The following AGBL4 variants were observed in gnomAD, a reference collection of about 807,000 sequenced individuals.
The protein encoded by AGBL4 is AGBL carboxypeptidase 4.
AGBL4 carries 58 observed loss-of-function variants against 66.4 expected under a neutral mutation model. That is an observed-to-expected ratio of 0.87 (90% confidence interval 0.71 to 1.09). The LOEUF (loss-of-function observed/expected upper bound fraction) is 1.09, where lower values mean the gene tolerates loss of function less well. AGBL4 is among the 50% of genes least tolerant of loss of function. The pLI, the probability that AGBL4 is intolerant of heterozygous loss-of-function variation, is 0.00. For missense variants in AGBL4, 579 were observed against 631.0 expected (o/e 0.92, Z 0.88); for synonymous variants, 234 against 222.9 (o/e 1.05, Z -0.44).
chr1:49,235,453 G>C (rs1650651543), intron 4 of AGBL4, among the ~76,000 whole-genome samples: 1 of 152,268 alleles, frequency 6.6e-6, no homozygotes, highest in Admixed American at 6.5e-5. Context: ...TTTTCTTGGA[G>C]TAAAGGCAAA....
chr1:48,846,778 A>G (rs1174958081), intron 6 of AGBL4, among the ~76,000 whole-genome samples: 2 of 152,124 alleles, frequency 1.3e-5, no homozygotes, highest in Non-Finnish European at 2.9e-5. Context: ...TACTGATGTC[A>G]TGGGTATATG....
intron 2 of AGBL4, among the ~76,000 whole-genome samples, chr1:49,838,970 C>T (rs1319767997): frequency 6.6e-6 from 1 of 152,156 alleles, no homozygotes; most frequent in Non-Finnish European, 1.5e-5. Flanking sequence ...TCTCAGATTA[C>T]TTGAAAAGAG....
At position 49,802,137 on chromosome 1, in the gene AGBL4, C is replaced by A. The variant is rs143085518; in HGVS notation, c.157+49259G>T. On this transcript the variant is annotated intron_variant, in intron 2 of 13. Transcript: ENST00000371839. The stretch of plus-strand genomic sequence containing the variant: ...ATGATGTGCTTCCCCCTGCAGAGAG[C>A]CTATGAATGGACGTGCAGTCAGGGA... Among the ~76,000 whole-genome samples the A allele has an allele frequency of 1.5e-3, 225 of 152,192 alleles. 2 individuals are homozygous for A. Among genetic ancestry groups the A allele is most frequent in the Non-Finnish European group, 1.6e-3 (110 of 68,020 alleles).
chr1:49,420,851 C>A (rs1645530985), intron 3 of AGBL4, among the ~76,000 whole-genome samples: 1 of 152,152 alleles, frequency 6.6e-6, no homozygotes, highest in Non-Finnish European at 1.5e-5. Context: ...ATATCCTGTG[C>A]TAGATGCTGG....
chr1:49,362,246 C>T (rs1020348571), intron 3 of AGBL4, among the ~76,000 whole-genome samples: 63 of 151,954 alleles, frequency 4.1e-4, no homozygotes, highest in African/African-American at 1.5e-3. Flanking sequence ...CTACAGAGAA[C>T]CCCACACAAC....
chr1:49,562,177 TG>T (rs1240082871), intron 3 of AGBL4, among the ~76,000 whole-genome samples: 1 of 152,182 alleles, frequency 6.6e-6, no homozygotes, highest in Non-Finnish European at 1.5e-5. Context: ...CTTGTAAATG[TG>T]TTTGAGTTCA....
chr1:48,825,198 T>C (rs1011035038), intron 6 of AGBL4, among the ~76,000 whole-genome samples: 10 of 152,150 alleles, frequency 6.6e-5, no homozygotes, highest in African/African-American at 2.4e-4. Context: ...GCTTCCTATT[T>C]TGGGAATTGC....
chr1:49,615,629 T>G (rs915231105), intron 3 of AGBL4, among the ~76,000 whole-genome samples: 5 of 151,840 alleles, frequency 3.3e-5, no homozygotes, highest in African/African-American at 1.2e-4. Flanking sequence ...AAAGCAAATA[T>G]ACTGAGAAAA....
At chr1:48,643,553 A>G (rs1192765068) in intron 8 of AGBL4, among the ~76,000 whole-genome samples, 1 of 152,188 alleles carries the variant, frequency 6.6e-6, no homozygotes, top group Non-Finnish European at 1.5e-5. Context: ...TGGGCAAATG[A>G]CTTAACCTCT....
At chr1:49,596,363 G>T (rs1644854105) in intron 3 of AGBL4, among the ~76,000 whole-genome samples, 1 of 152,056 alleles carries the variant, frequency 6.6e-6, no homozygotes, top group Admixed American at 6.6e-5. Flanking sequence ...TAGAGACAGG[G>T]TTTCACCATG....
At chr1:48,544,501 T>C (rs376034539) in intron 11 of AGBL4, among the ~76,000 whole-genome samples, 5 of 152,314 alleles carry the variant, frequency 3.3e-5, no homozygotes, top group South Asian at 4.1e-4. Context: ...TTGTAGTACA[T>C]GACCTTGCCA....
intron 2 of AGBL4, among the ~76,000 whole-genome samples, chr1:49,776,161 T>G (rs998246053): frequency 1.3e-5 from 2 of 152,042 alleles, no homozygotes; most frequent in African/African-American, 4.8e-5. Flanking sequence ...AAAATGGTGG[T>G]CAGTTATGCC....
chr1:48,837,715 A>AC (rs1467249321), intron 6 of AGBL4, among the ~76,000 whole-genome samples: 6 of 84,694 alleles, frequency 7.1e-5, no homozygotes, highest in African/African-American at 6.9e-4. Flanking sequence ...CACACACTAT[A>AC]TATATATATA....
intron 2 of AGBL4, among the ~76,000 whole-genome samples, chr1:49,705,523 C>A (rs181650154): frequency 1.3e-5 from 2 of 151,840 alleles, no homozygotes; most frequent in East Asian, 1.9e-4. Context: ...ATTTGAATAC[C>A]CTTTTTATTT....
intron 6 of AGBL4, among the ~76,000 whole-genome samples, chr1:48,711,019 C>T (rs184842612): frequency 1.2e-4 from 19 of 152,188 alleles, no homozygotes; most frequent in African/African-American, 4.3e-4. Context: ...TCACTCCTGG[C>T]ACTGTGCATC....
At chr1:48,699,431 T>C (rs781114272) in intron 6 of AGBL4, among the ~76,000 whole-genome samples, 1 of 152,220 alleles carries the variant, frequency 6.6e-6, no homozygotes, top group Non-Finnish European at 1.5e-5. Flanking sequence ...CAAGATACTG[T>C]TTGCTGTCAT....
At chr1:49,584,660 A>G (rs893524478) in intron 3 of AGBL4, among the ~76,000 whole-genome samples, 4 of 152,206 alleles carry the variant, frequency 2.6e-5, no homozygotes, top group Non-Finnish European at 4.4e-5. Flanking sequence ...TCTTTAAGAA[A>G]CCGAAAACAA....
intron 6 of AGBL4, among the ~76,000 whole-genome samples, chr1:48,840,473 G>C (rs574354380): frequency 6.6e-6 from 1 of 152,288 alleles, no homozygotes; most frequent in East Asian, 1.9e-4. Context: ...ATACCTAACA[G>C]TGTAGGAGCT....
rs201650570 is a variant in AGBL4, at chr1:48,663,141, C to T, written c.724+11G>A. Reference sequence around the variant, plus strand: ...GTGGGTATAGGATACCTATGAGATCCTGCCACTCACCTTGGCACACAAATG... The same window carrying T: ...GTGGGTATAGGATACCTATGAGATCTTGCCACTCACCTTGGCACACAAATG... On this transcript the variant is annotated intron_variant, in intron 7 of 13. Transcript: ENST00000371839. 6.6e-4 allele frequency: 1,068 copies of T among 1,613,418 alleles called. No homozygotes were observed. The highest frequency in any genetic ancestry group is 7.6e-4 in the Non-Finnish European group (898 of 1,179,492).
Sources: gnomAD v4.1 joint callset for allele counts (sites outside exome capture counted in the v4.1 genomes callset) on GRCh38, gnomAD v4.1.1 for gene constraint, MANE v1.5 for transcripts, NCBI Gene and HGNC (gene_info 2026-07-23, HGNC 2026-07-21) for gene names.